Variants in AASDH observed in about 807,000 individuals in gnomAD.
AASDH encodes beta-alanine-activating enzyme.
Under a neutral mutation model 102.3 loss-of-function variants are expected in AASDH, and 81 were observed. The ratio of observed to expected loss-of-function variants is 0.79; its 90% confidence interval spans 0.66 to 0.95. The LOEUF (loss-of-function observed/expected upper bound fraction) is 0.95, where lower values mean the gene tolerates loss of function less well. Ranked by LOEUF, AASDH falls within the 40% of genes least tolerant of loss-of-function variation. The pLI is 0.00. For missense variants in AASDH, 1,203 were observed against 1,266.2 expected, an observed-to-expected ratio of 0.95 and a Z score of 0.76; for synonymous variants, 398 against 454.0, an observed-to-expected ratio of 0.88 and a Z score of 1.57.
chr4:56,349,999 A>AT lies in AASDH; in HGVS notation c.1751dup (p.Asn584LysfsTer2). On this transcript the variant is annotated frameshift_variant, in exon 11 of 15. Coordinates refer to ENST00000205214, the MANE Select transcript of AASDH (RefSeq NM_181806.4). LOFTEE classifies it high-confidence loss of function. ...TGGACTTTAAGGAATCTCCACCACT[A>AT]TTTAAGAAGAGTGACTCATCAGGAA... The AT allele has an allele frequency of 1.2e-6, 2 of 1,610,676 alleles. No homozygotes were observed. The highest frequency in any genetic ancestry group is 1.7e-6 in the Non-Finnish European group (2 of 1,179,812).
chr4:56,352,192 G>C (rs1398323458), intron 9 of AASDH, among the ~76,000 whole-genome samples: 1 of 152,162 alleles, frequency 6.6e-6, no homozygotes, highest in African/African-American at 2.4e-5. Flanking sequence ...TTCTATCACT[G>C]TGATAGGTTA....
At chr4:56,350,569 T>C (rs534596425) in intron 10 of AASDH, among the ~76,000 whole-genome samples, 1 of 152,108 alleles carries the variant, frequency 6.6e-6, no homozygotes, top group African/African-American at 2.4e-5. Flanking sequence ...ACCAATTTTG[T>C]CACAAATTCA....
chr4:56,366,986 C>T (rs979884120), intron 5 of AASDH, among the ~76,000 whole-genome samples: 74 of 152,194 alleles, frequency 4.9e-4, no homozygotes, highest in African/African-American at 1.6e-3. Flanking sequence ...CGTCTCAGCC[C>T]AAAATCTCCT....
chr4:56,379,028 C>T (rs986066317), intron 3 of AASDH, among the ~76,000 whole-genome samples: 4 of 152,004 alleles, frequency 2.6e-5, no homozygotes, highest in African/African-American at 7.2e-5. Flanking sequence ...GGACTACAGG[C>T]ACCTGCCACC....
intron 11 of AASDH, among the ~76,000 whole-genome samples, chr4:56,346,986 A>G (rs1368568898): frequency 1.3e-5 from 2 of 151,954 alleles, no homozygotes; most frequent in Admixed American, 1.3e-4. Context: ...GGGTGTAGTA[A>G]GCCATGATGA....
At chr4:56,342,628 A>T (rs1202086559) in intron 14 of AASDH, among the ~76,000 whole-genome samples, 2 of 152,092 alleles carry the variant, frequency 1.3e-5, no homozygotes, top group East Asian at 3.8e-4. Flanking sequence ...CTTCACAATT[A>T]AAATAGAACT....
chr4:56,345,887 C>T (rs747433535), intron 11 of AASDH, among the ~76,000 whole-genome samples: 7 of 152,210 alleles, frequency 4.6e-5, no homozygotes, highest in Admixed American at 2.0e-4. Context: ...ATTATAACCA[C>T]ATTTTATAGA....
In AASDH at chr4:56,349,330, T is replaced by C; in HGVS notation, c.2421A>G (p.Glu807=). 1 of 1,614,246 alleles carries C rather than the reference T, an allele frequency of 6.2e-7. No individual in the cohort carries two copies. Among genetic ancestry groups the C allele is most frequent in the Non-Finnish European group, 8.5e-7 (1 of 1,180,052 alleles). ...VDFYSGKVKW[E]QILGDRIESS... is the part of the protein sequence containing the mutation. ...ATTCAATTCGATCTCCCAAAATCTGTTCCCATTTTACCTTCCCAGAGTAAA... is the reference window on the plus strand; with the variant it reads ...ATTCAATTCGATCTCCCAAAATCTGCTCCCATTTTACCTTCCCAGAGTAAA... Residue 807 remains glutamate, a synonymous_variant, in exon 11 of 15, where the codon GAA becomes GAG. Coordinates refer to ENST00000205214, the MANE Select transcript of AASDH (RefSeq NM_181806.4).
At chr4:56,339,988 G>C (rs1577945355) in intron 14 of AASDH, among the ~76,000 whole-genome samples, 1 of 152,020 alleles carries the variant, frequency 6.6e-6, no homozygotes, top group Admixed American at 6.6e-5. Flanking sequence ...GGCCAACATG[G>C]TGAAACCCCA....
chr4:56,339,642 TG>T (rs1747404513), intron 14 of AASDH, among the ~76,000 whole-genome samples: 1 of 147,914 alleles, frequency 6.8e-6, no homozygotes, highest in African/African-American at 2.5e-5. Flanking sequence ...TCCCAGCTAC[TG>T]GGGAGGCTGA....
At chr4:56,370,982 T>TAC (rs1751631180) in intron 5 of AASDH, among the ~76,000 whole-genome samples, 1 of 152,266 alleles carries the variant, frequency 6.6e-6, no homozygotes, top group South Asian at 2.1e-4. Flanking sequence ...ACCAGTCAGA[T>TAC]ACACATTTAA....
intron 2 of AASDH, 103 bp from the exon 3 acceptor site, chr4:56,382,700 T>C: frequency 7.4e-7 from 1 of 1,354,528 alleles, no homozygotes. Flanking sequence ...TGTAGCAGCA[T>C]AAAAATGGTT....
intron 3 of AASDH, chr4:56,381,654 C>CACACAA (rs1752973364): frequency 1.3e-5 from 2 of 151,390 alleles, no homozygotes; most frequent in African/African-American, 4.9e-5. Flanking sequence ...ACTTCTCACA[C>CACACAA]ACACACACAC....
At chr4:56,354,321 T>C (rs149128704) in intron 7 of AASDH, 110 bp from the exon 8 acceptor site, 2 of 896,148 alleles carry the variant, frequency 2.2e-6, no homozygotes, top group African/African-American at 1.7e-5. Context: ...ATTTAAATAT[T>C]AAAAGATGGG....
intron 11 of AASDH, among the ~76,000 whole-genome samples, chr4:56,345,918 G>A (rs1007954805): frequency 6.6e-6 from 1 of 152,216 alleles, no homozygotes; most frequent in Non-Finnish European, 1.5e-5. Flanking sequence ...GAAGCACAGA[G>A]AGACTAAATT....
chr4:56,382,449 A>C (rs747500464), intron 3 of AASDH, 28 bp downstream of exon 3: 1 of 1,517,330 alleles, frequency 6.6e-7, no homozygotes, highest in East Asian at 2.3e-5. Context: ...TAATACAGGC[A>C]AAAAACAATT....
intron 14 of AASDH, among the ~76,000 whole-genome samples, chr4:56,342,197 T>C (rs1008111106): frequency 6.8e-6 from 1 of 147,046 alleles, no homozygotes; most frequent in African/African-American, 2.5e-5. Flanking sequence ...TAAAAACATA[T>C]AGTAAGAAAA....
At chr4:56,363,720 G>A (rs1750619963) in intron 5 of AASDH, among the ~76,000 whole-genome samples, 1 of 152,124 alleles carries the variant, frequency 6.6e-6, no homozygotes, top group African/African-American at 2.4e-5. Context: ...AAACCCATCT[G>A]TACGTCACCA....
chr4:56,346,523 TTCA>T (rs1361933176), intron 11 of AASDH, among the ~76,000 whole-genome samples: 2 of 151,978 alleles, frequency 1.3e-5, no homozygotes, highest in African/African-American at 2.4e-5. Context: ...TAAATTGGAC[TTCA>T]TCAAAATAAA....
Sources: allele counts gnomAD v4.1 joint callset (sites outside exome capture counted in the v4.1 genomes callset), GRCh38; gene constraint gnomAD v4.1.1; transcripts MANE v1.5; gene names NCBI Gene and HGNC (gene_info 2026-07-23, HGNC 2026-07-21).